SULT1B1: variants seen among roughly 807,000 people sequenced by gnomAD.
The protein encoded by SULT1B1 is sulfotransferase 1B1.
Under a neutral mutation model 34.6 loss-of-function variants are expected in SULT1B1, and 28 were observed. The ratio of observed to expected loss-of-function variants is 0.81; its 90% confidence interval spans 0.60 to 1.11. The LOEUF (loss-of-function observed/expected upper bound fraction) is 1.11, where lower values mean the gene tolerates loss of function less well. Ranked by LOEUF, SULT1B1 falls within the 50% of genes least tolerant of loss-of-function variation. The probability of loss-of-function intolerance (pLI) is 0.00; values close to 1 mark genes in which losing one functional copy is unlikely to be tolerated. For missense variants in SULT1B1, 374 were observed against 352.2 expected (o/e 1.06, Z -0.50); for synonymous variants, 147 against 110.2 (o/e 1.33, Z -2.09).
Position 69,734,276 on chromosome 4 carries a change from G to T in SULT1B1, c.376-12C>A, listed in dbSNP as rs760410857. The T allele has an allele frequency of 6.2e-7, 1 of 1,604,912 alleles. No homozygotes were observed. The highest frequency in any genetic ancestry group is 8.5e-7 in the Non-Finnish European group (1 of 1,176,294). On this transcript the variant is annotated splice_polypyrimidine_tract_variant and intron_variant, in intron 4 of 7. Transcript: ENST00000310613. ...GCCAGATAAATCATCTGCAGTGGGG[G>T]GTGGGGGTAGGAGAAAAAAATAAGA...
intron 3 of SULT1B1, among the ~76,000 whole-genome samples, chr4:69,753,416 T>C (rs1452037785): frequency 2.6e-5 from 4 of 152,204 alleles, no homozygotes; most frequent in African/African-American, 9.6e-5. Flanking sequence ...ACAAAAACTC[T>C]ATATAATTTT....
At chr4:69,758,403 C>T (rs930682364) in intron 1 of SULT1B1, 9 of 985,248 alleles carry the variant, frequency 9.1e-6, no homozygotes, top group Middle Eastern at 1.0e-3. Context: ...AGATGTTAGA[C>T]TTGATTTCCA....
chr4:69,734,104 A>G (rs1395698903), intron 5 of SULT1B1, 34 bp downstream of exon 5: 1 of 1,492,610 alleles, frequency 6.7e-7, no homozygotes, highest in Non-Finnish European at 9.0e-7. Context: ...TAAAATAAAA[A>G]ATACTTATCA....
Position 69,755,050 on chromosome 4 carries a change from T to G in SULT1B1, c.148+20A>C. 6.3e-7 allele frequency: 1 copy of G among 1,590,540 alleles called. No individual in the cohort carries two copies. Among genetic ancestry groups the G allele is most frequent in the Non-Finnish European group, 8.6e-7 (1 of 1,162,516 alleles). On this transcript the variant is annotated intron_variant, in intron 2 of 7. Transcript: ENST00000310613. ...CAAAAAATGAGGTCGGACTTGAATT[T>G]GTCAGGCCACAGAACTCACCTGATT...
intron 6 of SULT1B1, among the ~76,000 whole-genome samples, chr4:69,732,245 G>T (rs1012486849): frequency 1.3e-5 from 2 of 152,180 alleles, no homozygotes; most frequent in African/African-American, 4.8e-5. Context: ...TTTATGGGAT[G>T]TGGACAACTG....
At chr4:69,750,646 T>C (rs1340480761) in intron 3 of SULT1B1, among the ~76,000 whole-genome samples, 3 of 152,230 alleles carry the variant, frequency 2.0e-5, no homozygotes, top group Non-Finnish European at 2.9e-5. Flanking sequence ...AGTAATTCAC[T>C]GCATATGCTA....
chr4:69,750,221 G>A (rs958074289), intron 3 of SULT1B1, among the ~76,000 whole-genome samples: 5 of 152,126 alleles, frequency 3.3e-5, no homozygotes, highest in African/African-American at 1.2e-4. Flanking sequence ...TCAATAACTA[G>A]TAAGTCTAAA....
Position 69,732,605 on chromosome 4 carries a change from G to T in SULT1B1, c.597+808C>A, listed in dbSNP as rs1718126181. ...AACTTGTATGTTCAGGCTTTTATAA[G>T]TAAGGAACTAATTTCAACATGTTTA... On this transcript the variant is annotated intron_variant, in intron 6 of 7. Transcript: ENST00000310613. Among the ~76,000 whole-genome samples the T allele has an allele frequency of 2.0e-5, 3 of 151,870 alleles. No homozygotes were observed. In the South Asian group the frequency reaches 6.2e-4, roughly 32 times the overall value.
rs1717681237 is a variant in SULT1B1 at position 69,722,211 on chromosome 4, AACTT to A, written c.*4873_*4876del. Reference sequence around the variant, plus strand: ...AGAAACATACCTGAGGCATAATTACAACTTACTAAGTTTTCGTTGAATACAGTCC... The same window carrying A: ...AGAAACATACCTGAGGCATAATTACAACTAAGTTTTCGTTGAATACAGTCC... On this transcript the variant is annotated 3_prime_UTR_variant, in exon 8 of 8. Transcript: ENST00000310613. 2 of 152,152 alleles carry A rather than the reference AACTT, an allele frequency of 1.3e-5. No individual in the cohort carries two copies. Among genetic ancestry groups the A allele is most frequent in the African/African-American group, 2.4e-5 (1 of 41,460 alleles). The allele number at this position is 152,152 out of a possible 1,614,324, so 9.4% of individuals were successfully genotyped here.
intron 7 of SULT1B1, among the ~76,000 whole-genome samples, chr4:69,727,733 G>A (rs1269987234): frequency 6.6e-6 from 1 of 151,896 alleles, no homozygotes; most frequent in Non-Finnish European, 1.5e-5. Flanking sequence ...CACTAGGCTT[G>A]TTCTTTATTT....
intron 1 of SULT1B1, among the ~76,000 whole-genome samples, chr4:69,757,755 C>T (rs1036391515): frequency 3.3e-5 from 5 of 152,072 alleles, no homozygotes; most frequent in African/African-American, 7.2e-5. Flanking sequence ...TTCAACAATA[C>T]GTTTGTCCTG....
rs2292092 is a variant in SULT1B1, at chr4:69,727,072, G to A, written c.*16C>T. 6.4e-7 allele frequency: 1 copy of A among 1,564,690 alleles called. No homozygotes were observed. Among genetic ancestry groups the A allele is most frequent in the Non-Finnish European group, 8.7e-7 (1 of 1,149,494 alleles). ...CAGACAATCTCTTATTTCTTCAGATGTGTGATTTAGACACTTTAAATCTCT... is the reference window on the plus strand; with the variant it reads ...CAGACAATCTCTTATTTCTTCAGATATGTGATTTAGACACTTTAAATCTCT... On this transcript the variant is annotated 3_prime_UTR_variant, in exon 8 of 8. Coordinates refer to ENST00000310613, the MANE Select transcript of SULT1B1 (RefSeq NM_014465.4).
At chr4:69,760,213 C>T in intron 1 of SULT1B1, 5 of 984,692 alleles carry the variant, frequency 5.1e-6, no homozygotes, top group Non-Finnish European at 6.0e-6. Context: ...CTTACAGTTT[C>T]TTGAGAAGAC....
In SULT1B1 at chr4:69,724,316, G is replaced by A. The variant is rs1717741326; in HGVS notation, c.*2772C>T. The A allele has an allele frequency of 6.6e-6, 1 of 152,204 alleles. No homozygotes were observed. The highest frequency in any genetic ancestry group is 6.5e-5 in the Admixed American group (1 of 15,274). The allele number at this position is 152,204 out of a possible 1,614,324, so 9.4% of individuals were successfully genotyped here. ...ATACCTAGGAATCCAACTTACAAGG[G>A]ATGTGAAGGATCACTTCAAGGAGAA... On this transcript the variant is annotated 3_prime_UTR_variant, in exon 8 of 8. Coordinates refer to ENST00000310613, the MANE Select transcript of SULT1B1 (RefSeq NM_014465.4).
intron 6 of SULT1B1, among the ~76,000 whole-genome samples, chr4:69,732,402 A>T (rs1718117235): frequency 6.6e-6 from 1 of 152,170 alleles, no homozygotes; most frequent in South Asian, 2.1e-4. Flanking sequence ...ATAAAGTAGG[A>T]TTAATGCCAT....
At chr4:69,756,942 T>C (rs1362290339) in intron 1 of SULT1B1, among the ~76,000 whole-genome samples, 1 of 148,798 alleles carries the variant, frequency 6.7e-6, no homozygotes, top group African/African-American at 2.5e-5. Flanking sequence ...TTTAATCTCA[T>C]CTGAAAACAC....
intron 4 of SULT1B1, among the ~76,000 whole-genome samples, chr4:69,743,534 G>T (rs929935633): frequency 2.6e-5 from 4 of 152,186 alleles, no homozygotes; most frequent in African/African-American, 9.7e-5. Flanking sequence ...TGAAGGTGGG[G>T]CTTCACCCGG....
intron 7 of SULT1B1, 125 bp downstream of exon 7, chr4:69,730,376 G>T: frequency 1.4e-6 from 1 of 721,668 alleles, no homozygotes; most frequent in Non-Finnish European, 2.1e-6. Flanking sequence ...AACTTTTGGT[G>T]GTAGGTATTT....
intron 7 of SULT1B1, among the ~76,000 whole-genome samples, chr4:69,730,107 A>T: frequency 6.6e-6 from 1 of 152,062 alleles, no homozygotes; most frequent in East Asian, 1.9e-4. Context: ...TGATATGGGG[A>T]CTTTAAAGAC....
Sources: allele counts gnomAD v4.1 joint callset (sites outside exome capture counted in the v4.1 genomes callset), GRCh38; gene constraint gnomAD v4.1.1; transcripts MANE v1.5; gene names NCBI Gene and HGNC (gene_info 2026-07-23, HGNC 2026-07-21).